The following PCDHGA7 variants were observed in gnomAD, a reference collection of about 807,000 sequenced individuals.
PCDHGA7 encodes the protein protocadherin gamma subfamily A, 7.
Under a neutral mutation model 58.3 loss-of-function variants are expected in PCDHGA7, and 44 were observed. The ratio of observed to expected loss-of-function variants is 0.75; its 90% confidence interval spans 0.59 to 0.97. The LOEUF is 0.97. Among genes scored for constraint, PCDHGA7 ranks in the 50% least tolerant of loss-of-function variants. PCDHGA7 has a pLI of 0.00. For missense variants in PCDHGA7, 1,266 were observed against 1,188.7 expected, an observed-to-expected ratio of 1.06 and a Z score of -0.96; for synonymous variants, 516 against 504.2, an observed-to-expected ratio of 1.02 and a Z score of -0.31.
At chr5:141,436,707 T>C (rs985035872) in intron 1 of PCDHGA7, among the ~76,000 whole-genome samples, 18 of 152,208 alleles carry the variant, frequency 1.2e-4, no homozygotes, top group African/African-American at 4.3e-4. Context: ...GCACACTCGA[T>C]GTTCTGTTGG....
At chr5:141,394,885 T>C (rs769027830) in intron 1 of PCDHGA7, 1 of 1,613,758 alleles carries the variant, frequency 6.2e-7, no homozygotes. Context: ...AGCCTTACAC[T>C]CTATCTCGTG....
chr5:141,470,479 C>T (rs2099231547), intron 1 of PCDHGA7, among the ~76,000 whole-genome samples: 1 of 152,078 alleles, frequency 6.6e-6, no homozygotes, highest in African/African-American at 2.4e-5. Flanking sequence ...ATTACTAACC[C>T]TCTGGGAATA....
At chr5:141,424,129 T>G in intron 1 of PCDHGA7, 1 of 492,066 alleles carries the variant, frequency 2.0e-6, no homozygotes, top group Non-Finnish European at 2.7e-6. Context: ...TCCTGTTGAT[T>G]TAATAGCATG....
chr5:141,433,098 T>G, intron 1 of PCDHGA7: 1 of 1,614,204 alleles, frequency 6.2e-7, no homozygotes, highest in Non-Finnish European at 8.5e-7. Context: ...GACATGCTCG[T>G]CAGCCAGGAG....
At chr5:141,450,134 G>A (rs1267554616) in intron 1 of PCDHGA7, among the ~76,000 whole-genome samples, 1 of 151,424 alleles carries the variant, frequency 6.6e-6, no homozygotes, top group East Asian at 2.0e-4. Context: ...AGCCTCCTGA[G>A]TAGCTGGGAC....
Position 141,487,503 on chromosome 5 carries a change from C to T in PCDHGA7, c.2425-7304C>T. On this transcript the variant is annotated intron_variant, in intron 1 of 3. Transcript: ENST00000518325. The surrounding 1 kb of genome is among the most constrained non-coding windows in gnomAD (Gnocchi z 5.0). The stretch of plus-strand genomic sequence containing the variant: ...TCTCATGGCTGTACACCCTTGGCTT[C>T]TGCACCCACTCGGAGTGATAGCTTC... 1 of 1,614,220 alleles carries T rather than the reference C, an allele frequency of 6.2e-7. No homozygotes were observed. Among genetic ancestry groups the T allele is most frequent in the Non-Finnish European group, 8.5e-7 (1 of 1,180,042 alleles).
In PCDHGA7 at chr5:141,384,847, G is replaced by A. The variant is rs781186343; in HGVS notation, c.1948G>A (p.Gly650Ser). ...QSLVVAVQDH[G>S]QPPLSATVTL... ...CCTCGTGGTGGCCGTCCAGGACCAC[G>A]GTCAGCCTCCTCTGTCAGCCACCGT... The change falls in exon 1 of 4, where the codon GGT becomes AGT. Residue 650 changes from glycine to serine, a missense_variant. Physicochemically the swap from Gly to Ser is moderately conservative, Grantham distance 56. Transcript: ENST00000518325. 5.6e-6 allele frequency: 9 copies of A among 1,613,590 alleles called. No homozygotes were observed. The highest frequency in any genetic ancestry group is 3.3e-5 in the Admixed American group (2 of 60,034).
intron 1 of PCDHGA7, chr5:141,421,166 A>T: frequency 7.7e-7 from 1 of 1,301,524 alleles, no homozygotes; most frequent in Non-Finnish European, 1.0e-6. Context: ...CTTCATAGAT[A>T]CATAAGCCGA....
At chr5:141,438,630 A>T (rs1232206839) in intron 1 of PCDHGA7, among the ~76,000 whole-genome samples, 1 of 38,920 alleles carries the variant, frequency 2.6e-5, no homozygotes, top group East Asian at 8.1e-4. Context: ...ATATATATAT[A>T]TATATACACA....
chr5:141,383,931 T>C lies in PCDHGA7; in HGVS notation c.1032T>C (p.Ala344=), dbSNP rs1017184990. ...LITVLDVNDN[A]PEVTMTSLSS... ...CAGTTTTAGATGTAAATGATAATGC[T>C]CCAGAAGTGACTATGACGTCTTTAA... The change falls in exon 1 of 4, where the codon GCT becomes GCC. Residue 344 remains alanine (A), a synonymous_variant. Transcript: ENST00000518325. 2.5e-6 allele frequency: 4 copies of C among 1,613,818 alleles called. No homozygotes were observed. In the South Asian group the frequency reaches 4.4e-5, roughly 18 times the overall value.
rs759348931 is a variant in PCDHGA7, at chr5:141,384,614, C to G, written c.1715C>G (p.Ser572Cys). ...ILYPALPTDG[S>C]TGMELAPRSA... Reference sequence around the variant, plus strand: ...TACCCGGCCCTCCCCACAGATGGTTCTACTGGCATGGAGCTGGCACCCCGC... The same window carrying G: ...TACCCGGCCCTCCCCACAGATGGTTGTACTGGCATGGAGCTGGCACCCCGC... The change falls in exon 1 of 4, where the codon TCT (serine) becomes TGT (cysteine). Residue 572 changes from serine (S) to cysteine (C), a missense_variant. Ser to Cys is a moderately radical substitution (Grantham distance 112). Transcript: ENST00000518325. 1.2e-6 allele frequency: 2 copies of G among 1,614,222 alleles called. No individual in the cohort carries two copies. The highest frequency in any genetic ancestry group is 3.3e-5 in the Admixed American group (2 of 60,028).
chr5:141,424,232 C>A (rs182055138), intron 1 of PCDHGA7: 1 of 158,642 alleles, frequency 6.3e-6, no homozygotes, highest in East Asian at 1.9e-4. Context: ...TATTTTGATT[C>A]TTGGTGGCTG....
At position 141,431,604 on chromosome 5, in the gene PCDHGA7, G is replaced by A; in HGVS notation, c.2424+46281G>A. On this transcript the variant is annotated intron_variant, in intron 1 of 3. Coordinates refer to ENST00000518325, the MANE Select transcript of PCDHGA7 (RefSeq NM_018920.4). The surrounding 1 kb of genome is among the most constrained non-coding windows in gnomAD (Gnocchi z 4.8). ...AATGCGGAAGTGAGGTATTCCTTCCGGTATGTGGACGACAAGGCGGCCCAA... is the reference window on the plus strand; with the variant it reads ...AATGCGGAAGTGAGGTATTCCTTCCAGTATGTGGACGACAAGGCGGCCCAA... 8 of 1,614,206 alleles carry A rather than the reference G, an allele frequency of 5.0e-6. No individual in the cohort carries two copies. Among genetic ancestry groups the A allele is most frequent in the Non-Finnish European group, 6.8e-6 (8 of 1,180,046 alleles).
At chr5:141,502,862 C>CTTTT (rs2154593209) in intron 2 of PCDHGA7, among the ~76,000 whole-genome samples, 1 of 68,550 alleles carries the variant, frequency 1.5e-5, no homozygotes, top group African/African-American at 9.9e-5. Flanking sequence ...CCCTGACTCT[C>CTTTT]TGTCTTTTTT....
intron 1 of PCDHGA7, among the ~76,000 whole-genome samples, chr5:141,396,910 A>G (rs1335319555): frequency 1.3e-5 from 2 of 152,208 alleles, no homozygotes; most frequent in Non-Finnish European, 2.9e-5. Flanking sequence ...GCACTTTGCA[A>G]TTTTAAAAAC....
In PCDHGA7 at chr5:141,486,194, C is replaced by A. The variant is rs1248456800; in HGVS notation, c.2425-8613C>A. The A allele has an allele frequency of 6.2e-7, 1 of 1,614,196 alleles. No individual in the cohort carries two copies. Among genetic ancestry groups the A allele is most frequent in the Non-Finnish European group, 8.5e-7 (1 of 1,180,026 alleles). ...ACATTGCAGCCTTCGAGTGGATCTG[C>A]TGGACGTAAATGACAATGCCCCTTA... On this transcript the variant is annotated intron_variant, in intron 1 of 3. Transcript: ENST00000518325. The surrounding 1 kb of genome is among the most constrained non-coding windows in gnomAD (Gnocchi z 5.0).
chr5:141,433,042 G>T (rs752612411), intron 1 of PCDHGA7: 10 of 1,614,024 alleles, frequency 6.2e-6, no homozygotes, highest in East Asian at 4.5e-5. Flanking sequence ...CCCTCACCAC[G>T]GACTCGCGGA....
chr5:141,421,760 A>G, intron 1 of PCDHGA7: 1 of 1,613,868 alleles, frequency 6.2e-7, no homozygotes, highest in South Asian at 1.1e-5. Context: ...CCTAATAATT[A>G]CTTTTCCTTG....
intron 2 of PCDHGA7, among the ~76,000 whole-genome samples, chr5:141,500,935 C>A (rs1159997919): frequency 1.3e-5 from 2 of 151,694 alleles, no homozygotes; most frequent in Non-Finnish European, 2.9e-5. Flanking sequence ...GTGGCGCCAT[C>A]TCGGCTCACT....
Sources: allele counts gnomAD v4.1 joint callset (sites outside exome capture counted in the v4.1 genomes callset), GRCh38; gene constraint gnomAD v4.1.1; non-coding constraint Gnocchi (gnomAD v3.1); transcripts MANE v1.5; gene names NCBI Gene and HGNC (gene_info 2026-07-23, HGNC 2026-07-21).